Variants in CDKL4 observed in about 807,000 individuals in gnomAD.
The protein encoded by CDKL4 is cyclin dependent kinase like 4, also known as cyclin-dependent kinase-like 4.
CDKL4 carries 44 observed loss-of-function variants against 42.0 expected under a neutral mutation model. That is an observed-to-expected ratio of 1.05 (90% CI 0.82 to 1.35). CDKL4 has a LOEUF of 1.35. Ranked by LOEUF, CDKL4 falls within the 40% of genes most tolerant of loss-of-function variation. CDKL4 has a pLI of 0.00. For missense variants in CDKL4, 393 were observed against 369.9 expected (o/e 1.06, Z -0.51); for synonymous variants, 120 against 121.6 (o/e 0.99, Z 0.09).
intron 4 of CDKL4, among the ~76,000 whole-genome samples, chr2:39,206,541 G>T (rs1368729002): frequency 1.3e-5 from 2 of 152,188 alleles, no homozygotes; most frequent in African/African-American, 4.8e-5. Context: ...TCCAGAAATG[G>T]GTTTCCATGT....
intron 8 of CDKL4, among the ~76,000 whole-genome samples, chr2:39,182,305 A>G (rs1675484163): frequency 6.6e-6 from 1 of 152,136 alleles, no homozygotes. Context: ...TCATGTTTTT[A>G]TATGGGCTTT....
intron 9 of CDKL4, among the ~76,000 whole-genome samples, chr2:39,176,484 G>A (rs1675171514): frequency 6.6e-6 from 1 of 152,166 alleles, no homozygotes; most frequent in Non-Finnish European, 1.5e-5. Context: ...GCCCAGGCTG[G>A]AGTGCAATGG....
At chr2:39,194,404 G>A (rs1336282178) in intron 5 of CDKL4, among the ~76,000 whole-genome samples, 1 of 152,218 alleles carries the variant, frequency 6.6e-6, no homozygotes, top group Non-Finnish European at 1.5e-5. Flanking sequence ...AGCCCTGGAA[G>A]TGGAGGTTGC....
At chr2:39,244,387 C>G (rs1036048485), upstream of CDKL4, among the ~76,000 whole-genome samples, 1 of 152,244 alleles carries the variant, frequency 6.6e-6, no homozygotes. Flanking sequence ...CCGGCTCTGC[C>G]GACCCCGGGC....
chr2:39,185,434 ATATATACATG>A lies in CDKL4; in HGVS notation c.736-797_736-788del, dbSNP rs1675766339. Among the ~76,000 whole-genome samples the A allele has an allele frequency of 4.9e-3, 79 of 16,002 alleles. 9 individuals are homozygous for A. The highest frequency in any genetic ancestry group is 0.038 in the Admixed American group (67 of 1,758). 10.5% of individuals were successfully genotyped at this position (16,002 alleles called of 152,430 possible). A position where few individuals can be genotyped will look rare whatever the true frequency, so the allele number is the denominator to read the frequency against. On this transcript the variant is annotated intron_variant, in intron 7 of 9. Coordinates refer to ENST00000451199, the Ensembl canonical transcript of CDKL4. ...TATATACATATATATATACATATGT[ATATATACATG>A]TATATATACATATGTGTATATATAT... is the stretch of plus-strand genomic sequence containing the variant.
In CDKL4 at chr2:39,189,862, C is replaced by A. The variant is rs185453305; in HGVS notation, c.652+443G>T. 3.6e-3 allele frequency among the ~76,000 whole-genome samples: 552 copies of A among 152,256 alleles called. 6 individuals carry two copies. Among genetic ancestry groups the A allele is most frequent in the African/African-American group, 0.013 (523 of 41,542 alleles). ...ACTGCAACAGAGGCTGTACAGCCTG[C>A]ATAACCTAAAATATTTACCATATAG... On this transcript the variant is annotated intron_variant, in intron 6 of 9. Coordinates refer to ENST00000451199, the Ensembl canonical transcript of CDKL4.
intron 3 of CDKL4, among the ~76,000 whole-genome samples, chr2:39,221,379 G>C (rs922192978): frequency 1.3e-5 from 2 of 152,060 alleles, no homozygotes; most frequent in African/African-American, 4.8e-5. Context: ...GTAAACAATA[G>C]TCCAAAAGGC....
At chr2:39,197,628 ACAG>A (rs1309856967) in intron 5 of CDKL4, among the ~76,000 whole-genome samples, 1 of 152,236 alleles carries the variant, frequency 6.6e-6, no homozygotes, top group Non-Finnish European at 1.5e-5. Flanking sequence ...TATCAGATTA[ACAG>A]CAGATTTCTC....
upstream of CDKL4, among the ~76,000 whole-genome samples, chr2:39,244,503 G>T (rs377140699): frequency 3.3e-5 from 5 of 152,248 alleles, no homozygotes; most frequent in African/African-American, 1.2e-4. Context: ...GGCCTTAGCT[G>T]CCTTCCTGCG....
intron 1 of CDKL4, among the ~76,000 whole-genome samples, chr2:39,242,346 G>A (rs1367915115): frequency 1.3e-5 from 2 of 152,078 alleles, no homozygotes; most frequent in East Asian, 1.9e-4. Context: ...CATGCCTGGC[G>A]AAATTATTTT....
chr2:39,224,801 G>C (rs771855901), intron 3 of CDKL4, among the ~76,000 whole-genome samples: 6 of 152,060 alleles, frequency 3.9e-5, no homozygotes, highest in Non-Finnish European at 5.9e-5. Context: ...TTCTCTGTTA[G>C]ATTTTCTAAA....
At chr2:39,213,339 T>C (rs1572995033) in intron 4 of CDKL4, 61 bp downstream of exon 4, 1 of 1,097,272 alleles carries the variant, frequency 9.1e-7, no homozygotes, top group African/African-American at 1.6e-5. Flanking sequence ...AACCCTGAGC[T>C]ATTTAGAAGA....
chr2:39,170,443 G>C, the CDKL4 span, among the ~76,000 whole-genome samples: 1 of 151,554 alleles, frequency 6.6e-6, no homozygotes, highest in Non-Finnish European at 1.5e-5. Context: ...CCAGTTTTTA[G>C]TTTTTTGTTG....
upstream of CDKL4, among the ~76,000 whole-genome samples, chr2:39,245,114 C>T (rs1241987427): frequency 6.6e-6 from 1 of 152,220 alleles, no homozygotes; most frequent in African/African-American, 2.4e-5. Context: ...AGTGGCAACA[C>T]ACTCGGGTTC....
chr2:39,221,001 G>GTTTTT (rs1678311355), intron 3 of CDKL4, among the ~76,000 whole-genome samples: 17 of 78,824 alleles, frequency 2.2e-4, no homozygotes, highest in East Asian at 4.8e-4. Context: ...TTTTTTTTTT[G>GTTTTT]TTTTTTTTTT....
chr2:39,230,046 G>C (rs1679001292), intron 1 of CDKL4, among the ~76,000 whole-genome samples: 1 of 152,238 alleles, frequency 6.6e-6, no homozygotes. Context: ...ACCTGGTGGA[G>C]AGAAGAAAGA....
intron 3 of CDKL4, among the ~76,000 whole-genome samples, chr2:39,218,685 T>C (rs1206634167): frequency 6.6e-6 from 1 of 152,164 alleles, no homozygotes; most frequent in African/African-American, 2.4e-5. Context: ...GGGCTGCTTC[T>C]CTCTCCTTGA....
chr2:39,177,585 A>C (rs1340672938), intron 9 of CDKL4, among the ~76,000 whole-genome samples: 1 of 150,902 alleles, frequency 6.6e-6, no homozygotes, highest in Non-Finnish European at 1.5e-5. Context: ...TTGTATTTTT[A>C]GTAGAGATGG....
In CDKL4 at chr2:39,234,870, A is replaced by G. The variant is rs199820525; in HGVS notation, c.-56-5282T>C. Among the ~76,000 whole-genome samples, 18 of 151,888 alleles carry G rather than the reference A, an allele frequency of 1.2e-4. 1 individual carries two copies. In the East Asian group the frequency reaches 3.5e-3, roughly 29 times the overall value. On this transcript the variant is annotated intron_variant, in intron 1 of 9. Transcript: ENST00000451199. ...AGGTGTGTCCTTCAAGTGCAAAGCT[A>G]TAGATAAACATTTAAAAAAAATTTT...
Sources: gnomAD v4.1 joint callset for allele counts (sites outside exome capture counted in the v4.1 genomes callset) on GRCh38, gnomAD v4.1.1 for gene constraint, MANE v1.5 for transcripts, NCBI Gene and HGNC (gene_info 2026-07-23, HGNC 2026-07-21) for gene names.